The following HABP4 variants were observed in gnomAD, a reference collection of about 807,000 sequenced individuals.
HABP4 encodes the protein intracellular hyaluronan-binding protein 4.
HABP4 carries 32 observed loss-of-function variants against 44.1 expected under a neutral mutation model. The ratio of observed to expected loss-of-function variants is 0.73; its 90% CI spans 0.55 to 0.97. The LOEUF (loss-of-function observed/expected upper bound fraction) is 0.97, where lower values mean the gene tolerates loss of function less well. Among genes scored for constraint, HABP4 ranks in the 50% least tolerant of loss-of-function variants. The pLI, the probability that HABP4 is intolerant of heterozygous loss-of-function variation, is 0.00. For synonymous variants in HABP4, 216 were observed against 218.0 expected (o/e 0.99, Z 0.08); for missense variants, 503 against 561.9 (o/e 0.90, Z 1.06).
At chr9:96,455,156 A>T (rs1832352064) in intron 1 of HABP4, among the ~76,000 whole-genome samples, 1 of 152,038 alleles carries the variant, frequency 6.6e-6, no homozygotes, top group Non-Finnish European at 1.5e-5. Context: ...TCTGCAATCA[A>T]AGCATAATAC....
At chr9:96,483,764 G>C (rs1832921729) in intron 5 of HABP4, 1 of 152,196 alleles carries the variant, frequency 6.6e-6, no homozygotes, top group African/African-American at 2.4e-5. Context: ...CCAGGGTTAA[G>C]AAAGTTTCTG....
rs1270916996 is a variant in HABP4, at chr9:96,465,717, A to G, written c.682A>G (p.Arg228Gly). ...TATTCTTTCTTTCCGTAGAGCAGTC[A>G]GAACTGAAGACAACATGGGTGGATG... ...RYGGNDKIAV[R>G]TEDNMGGCGV... is the part of the protein sequence containing the mutation. Residue 228 changes from arginine to glycine, a missense_variant, in exon 4 of 8, where the codon AGA (arginine) becomes GGA (glycine). Arg to Gly is a moderately radical substitution (Grantham distance 125). Around this residue, in one of 3 missense-constraint regions of HABP4, gnomAD observed 131 missense variants for 189.8 expected, o/e 0.69. Coordinates refer to ENST00000375249, the MANE Select transcript of HABP4 (RefSeq NM_014282.4). 3 of 1,596,908 alleles carry G rather than the reference A, an allele frequency of 1.9e-6. No individual in the cohort carries two copies. Among genetic ancestry groups the G allele is most frequent in the Non-Finnish European group, 2.6e-6 (3 of 1,164,368 alleles).
chr9:96,488,927 G>A lies in HABP4; in HGVS notation c.1185+653G>A, dbSNP rs1015008818. 8.5e-5 allele frequency among the ~76,000 whole-genome samples: 13 copies of A among 152,264 alleles called. 1 individual carries two copies. The East Asian group carries it at 1.4e-3, about 16-fold the overall frequency. On this transcript the variant is annotated intron_variant, in intron 7 of 7. Coordinates refer to ENST00000375249, the MANE Select transcript of HABP4 (RefSeq NM_014282.4). This position sits in a 1 kb window ranked among gnomAD's most constrained non-coding sequence, Gnocchi z 4.6. ...CTGTATTCTCACTGGTGTGGCTATC[G>A]GTCAGCGGCTGCTTTTGCTCATTAC... is the stretch of plus-strand genomic sequence containing the variant.
At chr9:96,457,317 G>T (rs1048309876) in intron 1 of HABP4, among the ~76,000 whole-genome samples, 23 of 152,094 alleles carry the variant, frequency 1.5e-4, no homozygotes, top group African/African-American at 5.3e-4. Flanking sequence ...CTCCAGCCTG[G>T]GCAACAAGAG....
In HABP4 at chr9:96,491,289, C is replaced by T. The variant is rs1400252221; in HGVS notation, c.*1251C>T. ...CACTTTGCCACACTGTCTAAGGTGG[C>T]TTTGAACTGGAACCCAAGTGCAAAT... On this transcript the variant is annotated 3_prime_UTR_variant, in exon 8 of 8. Coordinates refer to ENST00000375249, the MANE Select transcript of HABP4 (RefSeq NM_014282.4). The T allele has an allele frequency of 6.6e-6, 1 of 152,250 alleles. No homozygotes were observed. Among genetic ancestry groups the T allele is most frequent in the East Asian group, 1.9e-4 (1 of 5,196 alleles). 9.4% of individuals were successfully genotyped at this position (152,250 alleles called of 1,614,324 possible). A position where few individuals can be genotyped will look rare whatever the true frequency, so the allele number is the denominator to read the frequency against.
At chr9:96,453,666 G>T (rs1736459527) in intron 1 of HABP4, among the ~76,000 whole-genome samples, 1 of 152,180 alleles carries the variant, frequency 6.6e-6, no homozygotes, top group African/African-American at 2.4e-5. Flanking sequence ...TGAAACAAAG[G>T]TCAATTTTAT....
chr9:96,462,060 C>T (rs1165077791), intron 2 of HABP4, among the ~76,000 whole-genome samples: 2 of 151,552 alleles, frequency 1.3e-5, no homozygotes, highest in Admixed American at 6.6e-5. Context: ...GCAGGAGAAT[C>T]GCTTGAACCC....
chr9:96,487,688 A>G (rs914130323), intron 6 of HABP4, among the ~76,000 whole-genome samples: 2 of 141,550 alleles, frequency 1.4e-5, no homozygotes, highest in African/African-American at 5.9e-5. Context: ...ATAAGCAGAA[A>G]TGAAAACTTT....
chr9:96,475,474 T>G (rs1486686162), intron 5 of HABP4, among the ~76,000 whole-genome samples: 1 of 152,074 alleles, frequency 6.6e-6, no homozygotes, highest in Non-Finnish European at 1.5e-5. Flanking sequence ...TGCTACCATG[T>G]CTTAATTCAT....
chr9:96,471,489 C>T (rs1432498708), intron 5 of HABP4, among the ~76,000 whole-genome samples: 1 of 152,254 alleles, frequency 6.6e-6, no homozygotes, highest in Non-Finnish European at 1.5e-5. Flanking sequence ...ATCTCAACCC[C>T]TTATCCTATC....
chr9:96,489,814 G>A (rs1031877893), intron 7 of HABP4, among the ~76,000 whole-genome samples, 168 bp from the exon 8 acceptor site: 1 of 152,228 alleles, frequency 6.6e-6, no homozygotes, highest in African/African-American at 2.4e-5. Flanking sequence ...GGGAGGGGGA[G>A]CTGTACTTTC....
intron 2 of HABP4, among the ~76,000 whole-genome samples, chr9:96,464,448 G>T (rs924466748): frequency 1.4e-4 from 22 of 152,204 alleles, no homozygotes; most frequent in African/African-American, 5.3e-4. Context: ...GGACAGATGG[G>T]TATCCGTATA....
chr9:96,489,902 C>T, intron 7 of HABP4, 80 bp from the exon 8 acceptor site: 1 of 891,676 alleles, frequency 1.1e-6, no homozygotes, highest in Admixed American at 1.7e-5. Context: ...AGCGTTGGTG[C>T]CAGGCCCTTG....
intron 4 of HABP4, 100 bp from the exon 5 acceptor site, chr9:96,470,908 AAAC>A: frequency 1.3e-6 from 1 of 751,144 alleles, no homozygotes; most frequent in Non-Finnish European, 2.3e-6. Flanking sequence ...AAAAAAAAAA[AAAC>A]CCAAAAAACC....
intron 2 of HABP4, among the ~76,000 whole-genome samples, chr9:96,458,769 T>C (rs1005134399): frequency 5.3e-5 from 8 of 151,964 alleles, no homozygotes; most frequent in African/African-American, 1.2e-4. Context: ...ATTACAGGCA[T>C]GTGCCACCAC....
chr9:96,488,202 C>T lies in HABP4; in HGVS notation c.1113C>T (p.Ala371=), dbSNP rs61742697. Residue 371 remains alanine (A), a synonymous_variant, in exon 7 of 8, where the codon GCC becomes GCT. Transcript: ENST00000375249. This position sits in a 1 kb window ranked among gnomAD's most constrained non-coding sequence, Gnocchi z 4.6. ...ACCTCCCTCGTCCTGGGCGTGGAGC[C>T]AGAGGAGGCACCCGGGGAGGCCGGG... The part of the protein sequence containing the change: ...FGNLPRPGRG[A]RGGTRGGRGR... The T allele has an allele frequency of 1.2e-5, 19 of 1,613,396 alleles. No individual in the cohort carries two copies. In the Admixed American group the frequency reaches 1.3e-4, roughly 11 times the overall value.
intron 1 of HABP4, among the ~76,000 whole-genome samples, chr9:96,454,842 C>T (rs927471795): frequency 4.0e-5 from 6 of 151,294 alleles, no homozygotes; most frequent in African/African-American, 9.7e-5. Flanking sequence ...GTGGGGGCTG[C>T]GTGGTGGCTC....
chr9:96,456,057 AAAAT>A (rs1261035894), intron 1 of HABP4, among the ~76,000 whole-genome samples: 25 of 152,168 alleles, frequency 1.6e-4, no homozygotes, highest in Admixed American at 3.9e-4. Flanking sequence ...TCTGTCTCAA[AAAAT>A]AAATAAATAA....
chr9:96,477,595 T>G (rs1832802917), intron 5 of HABP4, among the ~76,000 whole-genome samples: 3 of 152,210 alleles, frequency 2.0e-5, no homozygotes, highest in Admixed American at 2.0e-4. Context: ...TTCTTCAGTT[T>G]CCCTGATTGT....
Sources: allele counts gnomAD v4.1 joint callset (sites outside exome capture counted in the v4.1 genomes callset), GRCh38; gene constraint gnomAD v4.1.1; regional missense constraint gnomAD v4.1.1; non-coding constraint Gnocchi (gnomAD v3.1); transcripts MANE v1.5; gene names NCBI Gene and HGNC (gene_info 2026-07-23, HGNC 2026-07-21).